MYO3B: variants seen among roughly 807,000 people sequenced by gnomAD.
The protein encoded by MYO3B is myosin IIIB.
MYO3B carries 156 observed loss-of-function variants against 174.6 expected under a neutral mutation model. The observed-to-expected ratio is 0.89, with a 90% confidence interval of 0.78 to 1.02. MYO3B has a LOEUF of 1.02. Ranked by LOEUF, MYO3B falls within the 50% of genes least tolerant of loss-of-function variation. The probability of loss-of-function intolerance (pLI) is 0.00; values close to 1 mark genes in which losing one functional copy is unlikely to be tolerated. For synonymous variants in MYO3B, 563 were observed against 569.1 expected (o/e 0.99, Z 0.15); for missense variants, 1,632 against 1,639.4 (o/e 1.00, Z 0.08).
intron 7 of MYO3B, among the ~76,000 whole-genome samples, chr2:170,289,669 C>A (rs1462165237): frequency 1.3e-5 from 2 of 151,416 alleles, no homozygotes; most frequent in Non-Finnish European, 3.0e-5. Flanking sequence ...ATTTCCTTGA[C>A]GTTTTGTGGT....
chr2:170,452,775 G>A (rs867977990), intron 23 of MYO3B, among the ~76,000 whole-genome samples: 14 of 152,110 alleles, frequency 9.2e-5, no homozygotes, highest in African/African-American at 3.4e-4. Context: ...ATAATTGAGA[G>A]AAATAAAAAA....
intron 6 of MYO3B, among the ~76,000 whole-genome samples, chr2:170,234,889 C>T (rs1451804414): frequency 1.3e-5 from 2 of 152,190 alleles, no homozygotes; most frequent in East Asian, 3.8e-4. Context: ...TGGATCCCTG[C>T]AGTAACATAT....
chr2:170,560,031 T>G (rs953445823), intron 32 of MYO3B, among the ~76,000 whole-genome samples: 1 of 152,194 alleles, frequency 6.6e-6, no homozygotes, highest in Non-Finnish European at 1.5e-5. Flanking sequence ...GAATAATGCC[T>G]GGTACATAGT....
intron 3 of MYO3B, among the ~76,000 whole-genome samples, chr2:170,207,164 G>A (rs945222571): frequency 9.9e-5 from 15 of 151,892 alleles, no homozygotes; most frequent in African/African-American, 1.5e-4. Context: ...ATCATTACCC[G>A]CTTACACAGA....
At chr2:170,314,374 T>C (rs2093759984) in intron 7 of MYO3B, among the ~76,000 whole-genome samples, 1 of 152,204 alleles carries the variant, frequency 6.6e-6, no homozygotes, top group Admixed American at 6.5e-5. Flanking sequence ...CAATGAAGTG[T>C]GTGTGATTTG....
chr2:170,401,605 C>G lies in MYO3B; in HGVS notation c.2043C>G (p.Asp681Glu), dbSNP rs761027423. 3.7e-6 allele frequency: 6 copies of G among 1,613,952 alleles called. No individual in the cohort carries two copies. The Admixed American group carries it at 1.0e-4, about 27-fold the overall frequency. ...NTVDRAADVR[D>E]AMSKALYGRL... ...TAGACAGGGCTGCGGACGTTCGAGA[C>G]GCCATGTCCAAAGCCCTGTATGGGA... The change falls in exon 18 of 35, where the codon GAC becomes GAG. Residue 681 changes from aspartate to glutamate, a missense_variant. Coordinates refer to ENST00000408978, the MANE Select transcript of MYO3B (RefSeq NM_138995.5).
rs369540298 is a variant in MYO3B at position 170,467,625 on chromosome 2, G to GA, written c.3014+924dup. Among the ~76,000 whole-genome samples, 212 of 148,260 alleles carry GA rather than the reference G, an allele frequency of 1.4e-3. 5 individuals are homozygous for GA. The South Asian group carries it at 0.041, about 29-fold the overall frequency. On this transcript the variant is annotated intron_variant, in intron 25 of 34. Transcript: ENST00000408978. ...TGCCTGACAAAGACAAGGCAATCAA[G>GA]AAAAAAAAAATACATTGTAGAATCT...
intron 7 of MYO3B, among the ~76,000 whole-genome samples, chr2:170,262,201 T>G (rs1411406561): frequency 6.6e-6 from 1 of 152,114 alleles, no homozygotes; most frequent in African/African-American, 2.4e-5. Flanking sequence ...TTCAAAAGGA[T>G]GGGGATTGGG....
rs562140798 is a variant in MYO3B at position 170,271,934 on chromosome 2, C to T, written c.749+35798C>T. ...TAGTGGCCTATTTGTATTCAGGTTT[C>T]AGTATATAATAATGTGAAAATAGCT... On this transcript the variant is annotated intron_variant, in intron 7 of 34. Transcript: ENST00000408978. Among the ~76,000 whole-genome samples the T allele has an allele frequency of 1.1e-3, 164 of 152,070 alleles. No individual in the cohort carries two copies. In the Middle Eastern group the frequency reaches 0.02, roughly 19 times the overall value.
At chr2:170,523,436 A>C (rs1331733761) in intron 30 of MYO3B, among the ~76,000 whole-genome samples, 2 of 122,170 alleles carry the variant, frequency 1.6e-5, no homozygotes, top group Admixed American at 1.9e-4. Context: ...GCTGATAGGA[A>C]GGAGTTTTTG....
At chr2:170,577,571 A>G (rs889801202) in intron 32 of MYO3B, among the ~76,000 whole-genome samples, 2 of 152,214 alleles carry the variant, frequency 1.3e-5, no homozygotes, top group African/African-American at 4.8e-5. Context: ...TGACTCAGCA[A>G]TTCCGTTGAT....
intron 1 of MYO3B, among the ~76,000 whole-genome samples, chr2:170,197,077 C>T (rs1470520362): frequency 6.6e-6 from 1 of 151,614 alleles, no homozygotes; most frequent in Non-Finnish European, 1.5e-5. Flanking sequence ...CCAACTTCTC[C>T]TGTGGCCCCA....
At chr2:170,233,839 A>G (rs114258290) in intron 6 of MYO3B, among the ~76,000 whole-genome samples, 36 of 152,322 alleles carry the variant, frequency 2.4e-4, no homozygotes, top group Non-Finnish European at 4.0e-4. Context: ...CTAGTTTTCT[A>G]TCACTGCCAT....
chr2:170,416,934 T>C (rs1402050832), intron 22 of MYO3B, among the ~76,000 whole-genome samples: 2 of 149,502 alleles, frequency 1.3e-5, no homozygotes, highest in Non-Finnish European at 3.0e-5. Context: ...CAAGCAATTC[T>C]CCTGCCTCAG....
intron 9 of MYO3B, among the ~76,000 whole-genome samples, chr2:170,376,769 G>T (rs1291595685): frequency 6.6e-6 from 1 of 152,222 alleles, no homozygotes; most frequent in Non-Finnish European, 1.5e-5. Flanking sequence ...CCTTCACAAT[G>T]GTGCTGACAC....
intron 28 of MYO3B, among the ~76,000 whole-genome samples, chr2:170,504,271 G>A (rs1401751746): frequency 6.6e-6 from 1 of 152,096 alleles, no homozygotes; most frequent in Non-Finnish European, 1.5e-5. Flanking sequence ...TAGATTCTGT[G>A]GAATGCATTT....
Position 170,450,440 on chromosome 2 carries a change from A to T in MYO3B, c.2730+6394A>T, listed in dbSNP as rs374263274. ...GTAAGTCATTCATTTAGCCAAAATGATAACCCAGAAATTTTAAAAAGGAAA... is the reference window on the plus strand; with the variant it reads ...GTAAGTCATTCATTTAGCCAAAATGTTAACCCAGAAATTTTAAAAAGGAAA... On this transcript the variant is annotated intron_variant, in intron 23 of 34. Coordinates refer to ENST00000408978, the MANE Select transcript of MYO3B (RefSeq NM_138995.5). 8.5e-5 allele frequency among the ~76,000 whole-genome samples: 13 copies of T among 152,318 alleles called. No homozygotes were observed. The East Asian group carries it at 1.4e-3, about 16-fold the overall frequency.
intron 3 of MYO3B, among the ~76,000 whole-genome samples, chr2:170,200,690 G>C (rs2092652036): frequency 1.3e-5 from 2 of 152,118 alleles, no homozygotes; most frequent in African/African-American, 4.8e-5. Context: ...TTTTAGATTG[G>C]GTTTCCTGAA....
chr2:170,562,381 A>G (rs1346619093), intron 32 of MYO3B, among the ~76,000 whole-genome samples: 1 of 152,130 alleles, frequency 6.6e-6, no homozygotes, highest in Admixed American at 6.5e-5. Flanking sequence ...TTTGTTTTGG[A>G]GTTTTTACAT....
Sources: allele counts gnomAD v4.1 joint callset (sites outside exome capture counted in the v4.1 genomes callset), GRCh38; gene constraint gnomAD v4.1.1; transcripts MANE v1.5; gene names NCBI Gene and HGNC (gene_info 2026-07-23, HGNC 2026-07-21).